The following CDON variants were observed in gnomAD, a reference collection of about 807,000 sequenced individuals.
CDON encodes the protein cell adhesion associated, oncogene regulated.
In CDON, 73 loss-of-function variants were observed where a neutral mutation model predicts 120.9. That is an observed-to-expected ratio of 0.60 (90% confidence interval 0.50 to 0.73). The LOEUF (loss-of-function observed/expected upper bound fraction) is 0.73. Ranked by LOEUF, CDON falls within the 30% of genes least tolerant of loss-of-function variation. CDON has a pLI of 0.00. For missense variants in CDON, 1,470 were observed against 1,587.3 expected (o/e 0.93, Z 1.26); for synonymous variants, 566 against 573.5 (o/e 0.99, Z 0.19).
At chr11:125,983,815 C>T (rs569997228) in intron 16 of CDON, 57 bp downstream of exon 16, 90 of 1,222,880 alleles carry the variant, frequency 7.4e-5, no homozygotes, top group Non-Finnish European at 1.1e-4. Context: ...TTTATTCTGA[C>T]AATATTTGTC....
chr11:125,964,746 C>T (rs766696921), intron 18 of CDON, among the ~76,000 whole-genome samples: 11 of 152,102 alleles, frequency 7.2e-5, no homozygotes, highest in Non-Finnish European at 1.6e-4. Context: ...ACGTTCTAGC[C>T]AGAGACCAGT....
At chr11:126,009,613 A>G (rs1036250661) in intron 8 of CDON, among the ~76,000 whole-genome samples, 4 of 152,230 alleles carry the variant, frequency 2.6e-5, no homozygotes, top group Non-Finnish European at 4.4e-5. Flanking sequence ...CCAGGGTCAG[A>G]GACCTCAGTT....
chr11:125,986,395 C>G (rs911035660), intron 15 of CDON, among the ~76,000 whole-genome samples: 2 of 152,046 alleles, frequency 1.3e-5, no homozygotes, highest in African/African-American at 2.4e-5. Flanking sequence ...CAAACCTGCA[C>G]GTTGTGCACA....
intron 6 of CDON, among the ~76,000 whole-genome samples, chr11:126,016,693 A>C (rs1333599159): frequency 2.0e-5 from 3 of 152,100 alleles, no homozygotes; most frequent in Non-Finnish European, 4.4e-5. Flanking sequence ...TCAGCCTCCC[A>C]AAGTGTGAGT....
intron 1 of CDON, among the ~76,000 whole-genome samples, chr11:126,024,794 G>A (rs1206844810): frequency 6.6e-6 from 1 of 152,084 alleles, no homozygotes; most frequent in East Asian, 1.9e-4. Context: ...GAGGAGAAGA[G>A]ATAAAACAGA....
At chr11:125,997,692 T>C (rs897922051) in intron 11 of CDON, among the ~76,000 whole-genome samples, 6 of 152,216 alleles carry the variant, frequency 3.9e-5, no homozygotes, top group African/African-American at 1.4e-4. Flanking sequence ...TTCAGATTCA[T>C]GGCTGAAATA....
intron 15 of CDON, 110 bp downstream of exon 15, chr11:125,989,527 C>A: frequency 9.6e-7 from 1 of 1,039,878 alleles, no homozygotes; most frequent in Admixed American, 1.7e-5. Flanking sequence ...CAGAGTGAGA[C>A]CGTGTCTCAA....
intron 14 of CDON, among the ~76,000 whole-genome samples, chr11:125,990,075 T>C (rs1946590397): frequency 1.3e-5 from 2 of 151,918 alleles, no homozygotes; most frequent in South Asian, 2.1e-4. Context: ...ATTTCATGCA[T>C]AGGAAAGAAA....
chr11:126,021,807 GA>G (rs1947648018), intron 2 of CDON, among the ~76,000 whole-genome samples: 1 of 152,004 alleles, frequency 6.6e-6, no homozygotes. Flanking sequence ...CTATTAATAA[GA>G]AATAGCAAAG....
rs1217744406 is a variant in CDON at position 126,034,123 on chromosome 11, T to C, written c.-61-10586A>G. 6.6e-6 allele frequency among the ~76,000 whole-genome samples: 1 copy of C among 151,280 alleles called. No individual in the cohort carries two copies. The highest frequency in any genetic ancestry group is 1.5e-5 in the Non-Finnish European group (1 of 67,902). On this transcript the variant is annotated intron_variant, in intron 1 of 19. Coordinates refer to ENST00000531738, the MANE Select transcript of CDON (RefSeq NM_001378964.1). This position sits in a 1 kb window ranked among gnomAD's most constrained non-coding sequence, Gnocchi z 4.5. ...ATTAATGATCGTGCAATCATTCAGATCAACTTAAAAAAAAAAAAGTTCACA... is the reference window on the plus strand; with the variant it reads ...ATTAATGATCGTGCAATCATTCAGACCAACTTAAAAAAAAAAAAGTTCACA...
intron 18 of CDON, among the ~76,000 whole-genome samples, chr11:125,968,201 TTGAA>T (rs1178370041): frequency 6.6e-6 from 1 of 152,274 alleles, no homozygotes; most frequent in African/African-American, 2.4e-5. Flanking sequence ...CAGATTGAAC[TTGAA>T]TGAACTCATA....
intron 18 of CDON, among the ~76,000 whole-genome samples, chr11:125,976,298 A>C (rs910334377): frequency 2.0e-5 from 3 of 152,202 alleles, no homozygotes; most frequent in African/African-American, 7.2e-5. Flanking sequence ...AAAATCATAC[A>C]GTTGCTCCTG....
At chr11:125,978,421 A>G (rs774045684) in intron 17 of CDON, 38 bp from the exon 18 acceptor site, 20 of 1,349,962 alleles carry the variant, frequency 1.5e-5, no homozygotes, top group Non-Finnish European at 2.0e-5. Flanking sequence ...AGAAAAGAAG[A>G]AGGAATGCTG....
chr11:126,021,565 A>G (rs746170842), intron 2 of CDON, 45 bp from the exon 3 acceptor site: 27 of 1,551,696 alleles, frequency 1.7e-5, no homozygotes, highest in Non-Finnish European at 2.3e-5. Flanking sequence ...AGGGGAGAAA[A>G]GAGGAGAGAG....
chr11:126,057,776 C>A (rs951998609), intron 1 of CDON, among the ~76,000 whole-genome samples: 11 of 152,186 alleles, frequency 7.2e-5, no homozygotes, highest in African/African-American at 2.7e-4. Context: ...TTTAAGAAAG[C>A]TGTATTGTTT....
intron 15 of CDON, among the ~76,000 whole-genome samples, chr11:125,987,999 A>G (rs554702024): frequency 3.3e-5 from 5 of 152,310 alleles, no homozygotes; most frequent in Middle Eastern, 3.4e-3. Context: ...GTACTTTTTC[A>G]TGTCCTCATT....
chr11:126,039,945 A>G (rs1948211326), intron 1 of CDON, among the ~76,000 whole-genome samples: 1 of 152,038 alleles, frequency 6.6e-6, no homozygotes, highest in Non-Finnish European at 1.5e-5. Context: ...ACTGCTCTCC[A>G]ACATCATGTT....
intron 18 of CDON, among the ~76,000 whole-genome samples, chr11:125,966,631 C>T (rs1945808706): frequency 6.6e-6 from 1 of 151,852 alleles, no homozygotes; most frequent in Admixed American, 6.6e-5. Flanking sequence ...CTCTGTGGAC[C>T]CCAGGCAGAA....
chr11:125,981,451 C>A, intron 16 of CDON, 122 bp from the exon 17 acceptor site: 1 of 1,028,156 alleles, frequency 9.7e-7, no homozygotes, highest in Non-Finnish European at 1.5e-6. Context: ...CACAGTAAGA[C>A]ACTAAAAAGG....
Sources: gnomAD v4.1 joint callset for allele counts (sites outside exome capture counted in the v4.1 genomes callset) on GRCh38, gnomAD v4.1.1 for gene constraint, Gnocchi (gnomAD v3.1) non-coding constraint, MANE v1.5 for transcripts, NCBI Gene and HGNC (gene_info 2026-07-23, HGNC 2026-07-21) for gene names.